Variants in SP7 observed in about 807,000 individuals in gnomAD.
SP7 encodes the protein transcription factor Sp7.
Under a neutral mutation model 27.9 loss-of-function variants are expected in SP7, and 13 were observed. That is an observed-to-expected ratio of 0.47 (90% CI 0.30 to 0.74). The LOEUF (loss-of-function observed/expected upper bound fraction) is 0.74. Among genes scored for constraint, SP7 ranks in the 30% least tolerant of loss-of-function variants. The pLI is 0.06. For synonymous variants in SP7, 219 were observed against 226.7 expected, an observed-to-expected ratio of 0.97 and a Z score of 0.31; for missense variants, 525 against 558.0, an observed-to-expected ratio of 0.94 and a Z score of 0.60.
chr12:53,334,331 TACACACACAC>T (rs57611228), intron 2 of SP7, among the ~76,000 whole-genome samples: 1,802 of 139,600 alleles, frequency 0.013, 14 homozygotes, highest in African/African-American at 0.021. Context: ...TGGCCCAACT[TACACACACAC>T]ACACACACAC....
At position 53,329,426 on chromosome 12, in the gene SP7, GAA is replaced by G; in HGVS notation, c.22-8_22-7del. ...GAGCCATAGTGAACTTCCTCCTGTG[GAA>G]AGAGGGACGCACTGCTTAGGGAGAG... On this transcript the variant is annotated splice_polypyrimidine_tract_variant and splice_region_variant and intron_variant, in intron 2 of 2. Transcript: ENST00000536324. The G allele has an allele frequency of 6.2e-7, 1 of 1,613,520 alleles. No homozygotes were observed. The highest frequency in any genetic ancestry group is 8.5e-7 in the Non-Finnish European group (1 of 1,179,524).
intron 2 of SP7, among the ~76,000 whole-genome samples, chr12:53,335,000 T>A (rs1944750107): frequency 6.6e-6 from 1 of 152,162 alleles, no homozygotes. Context: ...TCCCTCCTCC[T>A]TGGTTCCCTC....
chr12:53,334,373 C>CACACACACACAT (rs1290039893), intron 2 of SP7, among the ~76,000 whole-genome samples: 193 of 151,340 alleles, frequency 1.3e-3, no homozygotes, highest in African/African-American at 4.5e-3. Flanking sequence ...CACACACACA[C>CACACACACACAT]ACTCTCAGGG....
chr12:53,333,680 C>T (rs1410125990), intron 2 of SP7, among the ~76,000 whole-genome samples: 1 of 151,276 alleles, frequency 6.6e-6, no homozygotes, highest in African/African-American at 2.4e-5. Flanking sequence ...TTCCCTGTTC[C>T]CCTGAATCTC....
rs1168814535 is a variant in SP7 at position 53,344,597 on chromosome 12, C to T, written c.-34+517G>A. Among the ~76,000 whole-genome samples, 1 of 152,148 alleles carries T rather than the reference C, an allele frequency of 6.6e-6. No homozygotes were observed. Among genetic ancestry groups the T allele is most frequent in the Non-Finnish European group, 1.5e-5 (1 of 68,028 alleles). On this transcript the variant is annotated intron_variant, in intron 1 of 1. Coordinates refer to the SP7 transcript ENST00000547755. This position sits in a 1 kb window ranked among gnomAD's most constrained non-coding sequence, Gnocchi z 4.6. ...AATGCCCCCATCCACCCCCACCTCG[C>T]GTGGACGTGTGAGGCAAGAAGGACG...
intron 2 of SP7, among the ~76,000 whole-genome samples, chr12:53,333,652 C>A (rs528257805): frequency 1.3e-5 from 2 of 151,998 alleles, no homozygotes; most frequent in African/African-American, 4.8e-5. Flanking sequence ...CACCTAGGCC[C>A]CCAACAATTT....
upstream of SP7, among the ~76,000 whole-genome samples, chr12:53,338,880 C>T (rs533061726): frequency 1.5e-3 from 222 of 152,298 alleles, no homozygotes; most frequent in Non-Finnish European, 2.2e-3. Flanking sequence ...TTCTCCATGT[C>T]CTTTTTAAAA....
Position 53,328,597 on chromosome 12 carries a change from C to T in SP7, c.845G>A (p.Gly282Glu). ...CPNCQELERLGAAAAGLRKKP... is the reference protein window; with the variant it reads ...CPNCQELERLEAAAAGLRKKP... ...CTTCCGCAGCCCAGCCGCTGCTGCT[C>T]CCAGCCGCTCTAGCTCCTGGCAATT... Residue 282 changes from glycine (G) to glutamate (E), a missense_variant, in exon 3 of 3, where the codon GGA becomes GAA. By Grantham distance (98) the Gly-to-Glu change is moderately conservative. Coordinates refer to ENST00000536324, the MANE Select transcript of SP7 (RefSeq NM_001173467.3). This position sits in a 1 kb window ranked among gnomAD's most constrained non-coding sequence, Gnocchi z 5.1. The T allele has an allele frequency of 6.2e-7, 1 of 1,609,548 alleles. No homozygotes were observed. Among genetic ancestry groups the T allele is most frequent in the Non-Finnish European group, 8.5e-7 (1 of 1,176,698 alleles).
Position 53,329,123 on chromosome 12 carries a change from C to A in SP7, c.319G>T (p.Asp107Tyr). 6.2e-7 allele frequency: 1 copy of A among 1,613,792 alleles called. No homozygotes were observed. The highest frequency in any genetic ancestry group is 8.5e-7 in the Non-Finnish European group (1 of 1,179,864). Residue 107 changes from aspartate (D) to tyrosine (Y), a missense_variant, in exon 3 of 3, where the codon GAC becomes TAC. Coordinates refer to ENST00000536324, the MANE Select transcript of SP7 (RefSeq NM_001173467.3). Reference protein sequence around the residue: ...HSFPGPTGTQDPGLLVPKGHS... With the variant: ...HSFPGPTGTQYPGLLVPKGHS... ...CCCTTGGGCACTAGTAGCCCAGGGT[C>A]CTGGGTGCCTGTGGGCCCAGGGAAT... is the stretch of plus-strand genomic sequence containing the variant.
Position 53,328,250 on chromosome 12 carries a change from C to G in SP7, c.1192G>C (p.Gly398Arg), listed in dbSNP as rs754989906. ...PKELGEGRST[G>R]EEEASQTPRP... ...GGCGTCTGACTGGCCTCCTCTTCCCCCGTGCTGCGGCCCTCCCCCAGCTCC... is the reference window on the plus strand; with the variant it reads ...GGCGTCTGACTGGCCTCCTCTTCCCGCGTGCTGCGGCCCTCCCCCAGCTCC... The change falls in exon 3 of 3, where the codon GGG (glycine) becomes CGG (arginine). Residue 398 changes from glycine (G) to arginine (R), a missense_variant. Transcript: ENST00000536324. This position sits in a 1 kb window ranked among gnomAD's most constrained non-coding sequence, Gnocchi z 5.1. The G allele has an allele frequency of 1.4e-5, 22 of 1,612,238 alleles. No individual in the cohort carries two copies. In the East Asian group the frequency reaches 4.9e-4, roughly 36 times the overall value.
Position 53,335,707 on chromosome 12 carries a change from TGGGG to T in SP7, c.-47-18_-47-15del. On this transcript the variant is annotated splice_polypyrimidine_tract_variant and intron_variant, in intron 1 of 2. Transcript: ENST00000536324. ...AGATGGAGAGAGCTGAGCCGGGGGG[TGGGG>T]GGGGTAGAGAGAGAAAAGGGAGAGG... is the stretch of plus-strand genomic sequence containing the variant. The T allele has an allele frequency of 3.0e-5, 7 of 230,130 alleles. No individual in the cohort carries two copies. Among genetic ancestry groups the T allele is most frequent in the Non-Finnish European group, 4.3e-5 (7 of 162,264 alleles). 14.3% of individuals were successfully genotyped at this position (230,130 alleles called of 1,614,324 possible). A position where few individuals can be genotyped will look rare whatever the true frequency, so the allele number is the denominator to read the frequency against.
chr12:53,331,197 C>T (rs1277654096), intron 2 of SP7, among the ~76,000 whole-genome samples: 4 of 152,052 alleles, frequency 2.6e-5, no homozygotes, highest in African/African-American at 9.7e-5. Context: ...TCTAGCCAGG[C>T]GCGGTGGCTC....
At chr12:53,342,980 A>G (rs943904678) in intron 1 of SP7, among the ~76,000 whole-genome samples, 3 of 151,778 alleles carry the variant, frequency 2.0e-5, no homozygotes, top group African/African-American at 7.3e-5. Context: ...ACTGAAGGAC[A>G]AATAAGAGTT....
chr12:53,344,282 G>A lies in SP7; in HGVS notation c.-34+832C>T, dbSNP rs1409946936. Among the ~76,000 whole-genome samples the A allele has an allele frequency of 6.6e-6, 1 of 152,022 alleles. No individual in the cohort carries two copies. The highest frequency in any genetic ancestry group is 1.5e-5 in the Non-Finnish European group (1 of 68,002). ...GGATCCGGCCAACAGTGAAGGGCCAGGGCAGTATCTGAGGACCTGGCCCTC... is the reference window on the plus strand; with the variant it reads ...GGATCCGGCCAACAGTGAAGGGCCAAGGCAGTATCTGAGGACCTGGCCCTC... On this transcript the variant is annotated intron_variant, in intron 1 of 1. Coordinates refer to the SP7 transcript ENST00000547755. This position sits in a 1 kb window ranked among gnomAD's most constrained non-coding sequence, Gnocchi z 4.6.
chr12:53,339,177 C>T (rs1256336630), upstream of SP7, among the ~76,000 whole-genome samples: 1 of 152,214 alleles, frequency 6.6e-6, no homozygotes, highest in Non-Finnish European at 1.5e-5. Context: ...GCCCCTCAGC[C>T]TCCGCCCATG....
chr12:53,328,356 G>A lies in SP7; in HGVS notation c.1086C>T (p.Arg362=). The A allele has an allele frequency of 6.2e-6, 10 of 1,612,814 alleles. No homozygotes were observed. The highest frequency in any genetic ancestry group is 8.5e-6 in the Non-Finnish European group (10 of 1,179,018). The change falls in exon 3 of 3, where the codon CGC becomes CGT. Residue 362 remains arginine (R), a synonymous_variant. Coordinates refer to ENST00000536324, the MANE Select transcript of SP7 (RefSeq NM_001173467.3). The surrounding 1 kb of genome is among the most constrained non-coding windows in gnomAD (Gnocchi z 5.1). ...TGCTCAGGTGGTCGCTTCGGGTAAA[G>A]CGCTTGGAGCAGAGCAGGCAGGTGA... The part of the protein sequence containing the change: ...KKFTCLLCSK[R]FTRSDHLSKH...
chr12:53,343,969 G>A (rs1303080935), intron 1 of SP7, among the ~76,000 whole-genome samples: 6 of 152,062 alleles, frequency 3.9e-5, no homozygotes, highest in Non-Finnish European at 8.8e-5. Context: ...AATCTCTTGA[G>A]CCTGGGAGGC....
intron 1 of SP7, among the ~76,000 whole-genome samples, chr12:53,341,477 TTAAG>T (rs1477161638): frequency 6.6e-6 from 1 of 152,156 alleles, no homozygotes; most frequent in African/African-American, 2.4e-5. Flanking sequence ...CAACATTGAA[TTAAG>T]TAAGAACCTG....
chr12:53,331,353 T>A (rs967176363), intron 2 of SP7, among the ~76,000 whole-genome samples: 6 of 150,634 alleles, frequency 4.0e-5, no homozygotes, highest in African/African-American at 1.5e-4. Context: ...GCGCCTGTAA[T>A]CCCAGCTATT....
Sources: gnomAD v4.1 joint callset for allele counts (sites outside exome capture counted in the v4.1 genomes callset) on GRCh38, gnomAD v4.1.1 for gene constraint, Gnocchi (gnomAD v3.1) non-coding constraint, MANE v1.5 for transcripts, NCBI Gene and HGNC (gene_info 2026-07-23, HGNC 2026-07-21) for gene names.